The following VAT1L variants were observed in gnomAD, a reference collection of about 807,000 sequenced individuals.
The protein encoded by VAT1L is putative NADPH-dependent quinone oxidoreductase VAT1L.
A neutral mutation model predicts 44.1 loss-of-function variants in VAT1L; 34 were observed. The ratio of observed to expected loss-of-function variants is 0.77; its 90% CI spans 0.59 to 1.03. VAT1L has a LOEUF of 1.03. Ranked by LOEUF, VAT1L falls within the 50% of genes least tolerant of loss-of-function variation. VAT1L has a pLI of 0.00. For synonymous variants in VAT1L, 253 were observed against 202.2 expected (o/e 1.25, Z -2.13); for missense variants, 615 against 538.8 (o/e 1.14, Z -1.40).
At chr16:77,863,270 T>C (rs2016935357) in intron 4 of VAT1L, among the ~76,000 whole-genome samples, 1 of 152,224 alleles carries the variant, frequency 6.6e-6, no homozygotes, top group Non-Finnish European at 1.5e-5. Flanking sequence ...GTTCCACTAT[T>C]GTCTTGGGTC....
rs547667276 is a variant in VAT1L at position 77,978,440 on chromosome 16, C to G, written c.*745C>G. The stretch of plus-strand genomic sequence containing the variant: ...TCTCATGGGCAGGATTCTTCCTGCT[C>G]CATATCTGTTTCAATTTTAAGAAAG... On this transcript the variant is annotated 3_prime_UTR_variant, in exon 9 of 9. Coordinates refer to ENST00000302536, the MANE Select transcript of VAT1L (RefSeq NM_020927.3). 6.6e-6 allele frequency: 1 copy of G among 152,174 alleles called. No individual in the cohort carries two copies. The highest frequency in any genetic ancestry group is 1.5e-5 in the Non-Finnish European group (1 of 68,054). 9.4% of individuals were successfully genotyped at this position (152,174 alleles called of 1,614,324 possible).
intron 3 of VAT1L, among the ~76,000 whole-genome samples, chr16:77,834,147 T>G (rs764646184): frequency 6.6e-5 from 10 of 152,174 alleles, no homozygotes; most frequent in Non-Finnish European, 1.3e-4. Context: ...TCAGTCCCCT[T>G]AGCTTCTGGA....
chr16:77,825,647 G>T (rs1273588989), intron 3 of VAT1L, among the ~76,000 whole-genome samples, 186 bp downstream of exon 3: 1 of 152,044 alleles, frequency 6.6e-6, no homozygotes, highest in Non-Finnish European at 1.5e-5. Flanking sequence ...CCTGAGAGAT[G>T]GTTTCTCTGG....
intron 7 of VAT1L, among the ~76,000 whole-genome samples, chr16:77,938,531 G>A (rs1391262596): frequency 6.6e-6 from 1 of 152,082 alleles, no homozygotes; most frequent in Non-Finnish European, 1.5e-5. Flanking sequence ...ACTGTACAGC[G>A]AGTTCTCATG....
At chr16:77,960,869 C>T (rs1180484575) in intron 7 of VAT1L, among the ~76,000 whole-genome samples, 1 of 152,026 alleles carries the variant, frequency 6.6e-6, no homozygotes, top group Non-Finnish European at 1.5e-5. Context: ...ACTACTGCTC[C>T]TCTGCTTGCA....
intron 7 of VAT1L, among the ~76,000 whole-genome samples, chr16:77,930,648 G>A (rs1271429635): frequency 6.6e-6 from 1 of 152,140 alleles, no homozygotes; most frequent in African/African-American, 2.4e-5. Context: ...ATCATTTGGT[G>A]GTTGGATAAT....
intron 3 of VAT1L, among the ~76,000 whole-genome samples, chr16:77,843,764 T>C (rs1223040623): frequency 6.6e-6 from 1 of 152,190 alleles, no homozygotes; most frequent in Admixed American, 6.5e-5. Flanking sequence ...TGATAAAAAC[T>C]GGTCTAATAT....
intron 3 of VAT1L, among the ~76,000 whole-genome samples, chr16:77,837,491 A>C (rs970139376): frequency 2.6e-5 from 4 of 152,138 alleles, no homozygotes; most frequent in African/African-American, 9.7e-5. Context: ...GATGGTGTGA[A>C]CCCTTCATCC....
At chr16:77,894,356 C>A (rs772658451) in intron 7 of VAT1L, among the ~76,000 whole-genome samples, 1 of 152,158 alleles carries the variant, frequency 6.6e-6, no homozygotes, top group Non-Finnish European at 1.5e-5. Context: ...TTTCAGAAAG[C>A]AGTGTCAGTA....
chr16:77,921,904 T>C (rs2017615900), intron 7 of VAT1L, among the ~76,000 whole-genome samples: 1 of 151,836 alleles, frequency 6.6e-6, no homozygotes. Context: ...CCACTACACC[T>C]GGGTAATTTT....
In VAT1L at chr16:77,879,576, G is replaced by A. The variant is rs539414676; in HGVS notation, c.882+352G>A. Among the ~76,000 whole-genome samples the A allele has an allele frequency of 1.2e-4, 19 of 152,296 alleles. 1 individual carries two copies. Among genetic ancestry groups the A allele is most frequent in the African/African-American group, 2.2e-4 (9 of 41,582 alleles). On this transcript the variant is annotated intron_variant, in intron 6 of 8. Coordinates refer to ENST00000302536, the MANE Select transcript of VAT1L (RefSeq NM_020927.3). The surrounding 1 kb of genome is among the most constrained non-coding windows in gnomAD (Gnocchi z 4.1). ...GCTGGGATTACAGGCGTGAGCCACC[G>A]CACCCAGCTGTGAGCTCTTCTATCA...
chr16:77,940,117 C>T (rs1262106130), intron 7 of VAT1L, among the ~76,000 whole-genome samples: 1 of 152,106 alleles, frequency 6.6e-6, no homozygotes, highest in African/African-American at 2.4e-5. Context: ...CTCAAAATGT[C>T]AAGAAAGCTT....
At chr16:77,971,404 T>C (rs545288883) in intron 7 of VAT1L, among the ~76,000 whole-genome samples, 1 of 152,294 alleles carries the variant, frequency 6.6e-6, no homozygotes, top group Non-Finnish European at 1.5e-5. Context: ...CTGAGTTCAG[T>C]TCAGCCTTGA....
At chr16:77,916,799 CTTT>C (rs34522921) in intron 7 of VAT1L, among the ~76,000 whole-genome samples, 4 of 139,880 alleles carry the variant, frequency 2.9e-5, no homozygotes, top group African/African-American at 5.2e-5. Flanking sequence ...GCGCTTTGCT[CTTT>C]TTTTTTTTTT....
chr16:77,819,541 C>T (rs1310896959), intron 2 of VAT1L, among the ~76,000 whole-genome samples: 1 of 152,112 alleles, frequency 6.6e-6, no homozygotes, highest in Non-Finnish European at 1.5e-5. Flanking sequence ...GCCACCACAC[C>T]TGGCTAATTT....
At chr16:77,921,533 C>T (rs7204917) in intron 7 of VAT1L, among the ~76,000 whole-genome samples, 7,429 of 152,184 alleles carry the variant, frequency 0.049, 626 homozygotes, top group African/African-American at 0.17. Flanking sequence ...ATTTTTGCAT[C>T]GGCTGTGGAA....
chr16:77,923,474 C>T (rs902403198), intron 7 of VAT1L, among the ~76,000 whole-genome samples: 2 of 152,202 alleles, frequency 1.3e-5, no homozygotes, highest in Middle Eastern at 3.4e-3. Context: ...ATGGAATAAA[C>T]TCAGGGGCCC....
At chr16:77,811,677 A>G (rs2016267904) in intron 1 of VAT1L, among the ~76,000 whole-genome samples, 1 of 152,160 alleles carries the variant, frequency 6.6e-6, no homozygotes, top group African/African-American at 2.4e-5. Context: ...CAGTATCATC[A>G]CGGGAGCAAT....
rs1292157687 is a variant in VAT1L, at chr16:77,884,613, G to T, written c.888G>T (p.Trp296Cys). ...AATACCACCTCTCTTTGCAGTGGTG[G>T]CAGGTGGAGAAGGTGAACCCCATCA... ...KSFFSFAKSW[W>C]QVEKVNPIKL... The change falls in exon 7 of 9, where the codon TGG becomes TGT. Residue 296 changes from tryptophan to cysteine, a missense_variant. By Grantham distance (215) the Trp-to-Cys change is radical (BLOSUM62 -2). Transcript: ENST00000302536. The surrounding 1 kb of genome is among the most constrained non-coding windows in gnomAD (Gnocchi z 4.5). 2.5e-6 allele frequency: 4 copies of T among 1,612,786 alleles called. No homozygotes were observed. In the Admixed American group the frequency reaches 6.7e-5, roughly 27 times the overall value.
Sources: gnomAD v4.1 joint callset for allele counts (sites outside exome capture counted in the v4.1 genomes callset) on GRCh38, gnomAD v4.1.1 for gene constraint, Gnocchi (gnomAD v3.1) non-coding constraint, MANE v1.5 for transcripts, NCBI Gene and HGNC (gene_info 2026-07-23, HGNC 2026-07-21) for gene names.